The following HERC3 variants were observed in gnomAD, a reference collection of about 807,000 sequenced individuals.
HERC3 encodes HECT and RLD domain containing E3 ubiquitin protein ligase 3.
In HERC3, 58 loss-of-function variants were observed where a neutral mutation model predicts 129.9. That is an observed-to-expected ratio of 0.45 (90% CI 0.36 to 0.56). The LOEUF (loss-of-function observed/expected upper bound fraction) is 0.56. Ranked by LOEUF, HERC3 falls within the 20% of genes least tolerant of loss-of-function variation. The pLI is 0.00. For missense variants in HERC3, 835 were observed against 1,244.2 expected, an observed-to-expected ratio of 0.67 and a Z score of 4.95; for synonymous variants, 430 against 451.0, an observed-to-expected ratio of 0.95 and a Z score of 0.59.
At chr4:88,544,304 A>G in the HERC3 span, among the ~76,000 whole-genome samples, 1 of 152,248 alleles carries the variant, frequency 6.6e-6, no homozygotes, top group African/African-American at 2.4e-5. Flanking sequence ...TGTGCAGCCA[A>G]TAAACATGAA....
At chr4:88,645,977 A>C (rs540953205) in intron 3 of HERC3, among the ~76,000 whole-genome samples, 1 of 152,282 alleles carries the variant, frequency 6.6e-6, no homozygotes, top group African/African-American at 2.4e-5. Context: ...TAGGGTATTC[A>C]CTTTGTAGGT....
At chr4:88,543,468 A>G in the HERC3 span, among the ~76,000 whole-genome samples, 6 of 152,232 alleles carry the variant, frequency 3.9e-5, no homozygotes, top group Non-Finnish European at 7.3e-5. Flanking sequence ...TTCCTTGCTC[A>G]TGGACAGGAA....
At chr4:88,669,510 C>T (rs545330281) in intron 14 of HERC3, among the ~76,000 whole-genome samples, 2 of 152,128 alleles carry the variant, frequency 1.3e-5, no homozygotes, top group South Asian at 4.1e-4. Context: ...TGGCTGAAAG[C>T]GCTAGGACAT....
At chr4:88,662,087 T>G (rs72883000) in intron 10 of HERC3, among the ~76,000 whole-genome samples, 8,157 of 152,198 alleles carry the variant, frequency 0.054, 479 homozygotes, top group African/African-American at 0.14. Context: ...TGAAATGCAA[T>G]TCAGTTATAA....
chr4:88,531,143 C>G, the HERC3 span, among the ~76,000 whole-genome samples: 1 of 151,928 alleles, frequency 6.6e-6, no homozygotes, highest in East Asian at 1.9e-4. Flanking sequence ...TAGGCGTGAC[C>G]CACCATGCCT....
chr4:88,698,811 T>C (rs76162000), intron 23 of HERC3, among the ~76,000 whole-genome samples: 11,942 of 138,052 alleles, frequency 0.087, 690 homozygotes, highest in East Asian at 0.21. Context: ...TTCCCCGCCT[T>C]CTTCCCCACT....
intron 3 of HERC3, among the ~76,000 whole-genome samples, chr4:88,632,728 TAA>T (rs1366001073): frequency 6.6e-6 from 1 of 152,052 alleles, no homozygotes; most frequent in Non-Finnish European, 1.5e-5. Context: ...ACAGAGATAA[TAA>T]AGATGGGAAA....
chr4:88,682,199 C>A (rs886669959), intron 21 of HERC3, among the ~76,000 whole-genome samples: 2 of 152,132 alleles, frequency 1.3e-5, no homozygotes, highest in Non-Finnish European at 2.9e-5. Flanking sequence ...GTTTTCATTT[C>A]TCTTGGTATA....
At chr4:88,545,026 C>T in the HERC3 span, among the ~76,000 whole-genome samples, 2 of 152,012 alleles carry the variant, frequency 1.3e-5, no homozygotes, top group African/African-American at 2.4e-5. Flanking sequence ...GTTGTGCACA[C>T]GTACCCTAGA....
chr4:88,588,279 A>G (rs1420611961), upstream of HERC3, among the ~76,000 whole-genome samples: 1 of 152,240 alleles, frequency 6.6e-6, no homozygotes, highest in Non-Finnish European at 1.5e-5. Flanking sequence ...ATTCAATAAT[A>G]TTAAAAGATT....
intron 10 of HERC3, among the ~76,000 whole-genome samples, chr4:88,660,206 AT>A (rs551134204): frequency 0.013 from 1,858 of 144,996 alleles, 31 homozygotes; most frequent in African/African-American, 0.038. Flanking sequence ...TACAGCCTCT[AT>A]TTTTTTTTTT....
chr4:88,574,214 C>T, the HERC3 span, among the ~76,000 whole-genome samples: 35 of 152,126 alleles, frequency 2.3e-4, no homozygotes, highest in Non-Finnish European at 1.3e-4. Flanking sequence ...GGGAGTGATA[C>T]GAAGAAGGGA....
intron 23 of HERC3, chr4:88,689,907 A>G (rs1442359964): frequency 1.4e-6 from 1 of 728,952 alleles, no homozygotes; most frequent in East Asian, 1.3e-4. Flanking sequence ...AACGACTCGA[A>G]GCTAGTATGA....
the HERC3 span, among the ~76,000 whole-genome samples, chr4:88,563,566 C>T: frequency 6.6e-6 from 1 of 151,988 alleles, no homozygotes; most frequent in Non-Finnish European, 1.5e-5. Flanking sequence ...AGTGGGCATC[C>T]TTATCATGTT....
At chr4:88,557,437 A>G in the HERC3 span, among the ~76,000 whole-genome samples, 1 of 152,174 alleles carries the variant, frequency 6.6e-6, no homozygotes, top group African/African-American at 2.4e-5. Context: ...TTCATGAATC[A>G]TCTAGATTCC....
rs542502530 is a variant in HERC3 at position 88,704,369 on chromosome 4, A to G, written c.2841+88A>G. 66 of 1,409,556 alleles carry G rather than the reference A, an allele frequency of 4.7e-5. 1 individual carries two copies. In the South Asian group the frequency reaches 5.8e-4, roughly 12 times the overall value. 87.3% of individuals were successfully genotyped at this position (1,409,556 alleles called of 1,614,324 possible). On this transcript the variant is annotated intron_variant, in intron 24 of 25. Coordinates refer to ENST00000402738, the MANE Select transcript of HERC3 (RefSeq NM_014606.3). ...GTTCCCAGAGCCTGGTCTCGTTCCA[A>G]GCATACTGTGGTTGAGTTAGATTTA...
chr4:88,692,868 G>A (rs758894081), intron 23 of HERC3: 4 of 985,102 alleles, frequency 4.1e-6, no homozygotes, highest in Non-Finnish European at 4.8e-6. Flanking sequence ...CTAAGGCTGG[G>A]GCTCAAGAGT....
At chr4:88,630,990 T>C (rs1726682053) in intron 3 of HERC3, among the ~76,000 whole-genome samples, 1 of 152,232 alleles carries the variant, frequency 6.6e-6, no homozygotes, top group South Asian at 2.1e-4. Flanking sequence ...CATATGTTAT[T>C]ATTGACTTCG....
the HERC3 span, among the ~76,000 whole-genome samples, chr4:88,563,696 G>GT: frequency 1.4e-5 from 2 of 140,280 alleles, no homozygotes; most frequent in African/African-American, 5.3e-5. Flanking sequence ...TTGCTCTTGT[G>GT]TTGCCAAGGC....
Sources: allele counts gnomAD v4.1 joint callset (sites outside exome capture counted in the v4.1 genomes callset), GRCh38; gene constraint gnomAD v4.1.1; transcripts MANE v1.5; gene names NCBI Gene and HGNC (gene_info 2026-07-23, HGNC 2026-07-21).